Variants in SETD3 observed in about 807,000 individuals in gnomAD.
The protein encoded by SETD3 is actin-histidine N-methyltransferase.
In SETD3, 19 loss-of-function variants were observed where a neutral mutation model predicts 63.0. The ratio of observed to expected loss-of-function variants is 0.30; its 90% CI spans 0.21 to 0.44. SETD3 has a LOEUF of 0.44. Among genes scored for constraint, SETD3 ranks in the 20% least tolerant of loss-of-function variants. The probability of loss-of-function intolerance (pLI) is 1.00; values close to 1 mark genes in which losing one functional copy is unlikely to be tolerated. For missense variants in SETD3, 587 were observed against 728.5 expected, an observed-to-expected ratio of 0.81 and a Z score of 2.24; for synonymous variants, 286 against 264.1, an observed-to-expected ratio of 1.08 and a Z score of -0.80.
chr14:99,473,105 C>T (rs1452797141), intron 1 of SETD3, among the ~76,000 whole-genome samples: 2 of 152,204 alleles, frequency 1.3e-5, no homozygotes, highest in Admixed American at 1.3e-4. Context: ...ACAAGACACA[C>T]TTTAGAAGAC....
chr14:99,404,499 G>A (rs1315886447), intron 10 of SETD3, among the ~76,000 whole-genome samples, 189 bp from the exon 11 acceptor site: 5 of 152,204 alleles, frequency 3.3e-5, no homozygotes, highest in African/African-American at 4.8e-5. Flanking sequence ...AGGCTGGGGC[G>A]GAGGCAAGCG....
chr14:99,422,550 C>T (rs139190964), intron 6 of SETD3, among the ~76,000 whole-genome samples: 398 of 152,228 alleles, frequency 2.6e-3, no homozygotes, highest in Non-Finnish European at 3.9e-3. Flanking sequence ...ATCTGAGAAC[C>T]CTTCTCTGTA....
chr14:99,451,845 T>C (rs1894479889), intron 6 of SETD3, among the ~76,000 whole-genome samples: 1 of 151,928 alleles, frequency 6.6e-6, no homozygotes, highest in African/African-American at 2.4e-5. Flanking sequence ...CTCTCAAAAT[T>C]CCTGCAGCGT....
chr14:99,408,071 C>T (rs369979552), intron 8 of SETD3, among the ~76,000 whole-genome samples: 1 of 152,198 alleles, frequency 6.6e-6, no homozygotes, highest in African/African-American at 2.4e-5. Flanking sequence ...CAAAGATTCA[C>T]AGCAGCTACA....
At chr14:99,439,949 A>G (rs1893705038) in intron 6 of SETD3, among the ~76,000 whole-genome samples, 1 of 151,364 alleles carries the variant, frequency 6.6e-6, no homozygotes, top group African/African-American at 2.4e-5. Flanking sequence ...CACCATGCTC[A>G]GGTAATCTTT....
rs780114503 is a variant in SETD3, at chr14:99,458,284, T to G, written c.670A>C (p.Ile224Leu). Residue 224 changes from isoleucine (I) to leucine (L), a missense_variant, in exon 6 of 13, where the codon ATC becomes CTC. By Grantham distance (5) the Ile-to-Leu change is conservative (BLOSUM62 2). Transcript: ENST00000331768. The stretch of plus-strand genomic sequence containing the variant: ...AATTGCAAACAGCTGCTCACCTGGA[T>G]GACTTTATAGAAGTAGGCGTACTGT... ...ARQYAYFYKV[I>L]QTHPHANKLP... is the part of the protein sequence containing the mutation. 1.2e-6 allele frequency: 2 copies of G among 1,611,072 alleles called. No homozygotes were observed. The highest frequency in any genetic ancestry group is 4.5e-5 in the East Asian group (2 of 44,802).
intron 8 of SETD3, among the ~76,000 whole-genome samples, chr14:99,410,922 G>A (rs1361550386): frequency 2.6e-5 from 4 of 152,176 alleles, no homozygotes; most frequent in Non-Finnish European, 5.9e-5. Context: ...CTGACAATAA[G>A]AAGATGATCG....
intron 6 of SETD3, among the ~76,000 whole-genome samples, chr14:99,436,160 C>T (rs1443463413): frequency 6.6e-6 from 1 of 152,100 alleles, no homozygotes; most frequent in Non-Finnish European, 1.5e-5. Context: ...CCTGCCTCCG[C>T]TTGATCTCTC....
upstream of SETD3, among the ~76,000 whole-genome samples, chr14:99,483,343 G>A (rs1246797439): frequency 2.0e-5 from 3 of 151,984 alleles, no homozygotes; most frequent in South Asian, 4.1e-4. Flanking sequence ...AAGCTCAGGA[G>A]TTCAAGACCA....
intron 7 of SETD3, 144 bp from the exon 8 acceptor site, chr14:99,413,209 A>T (rs1225731574): frequency 1.7e-6 from 1 of 600,294 alleles, no homozygotes; most frequent in Admixed American, 3.0e-5. Flanking sequence ...TTTGGCCTTC[A>T]TCATCATTTA....
In SETD3 at chr14:99,467,528, A is replaced by T. The variant is rs138504566; in HGVS notation, c.-8-1715T>A. Among the ~76,000 whole-genome samples the T allele has an allele frequency of 3.7e-4, 56 of 152,316 alleles. 1 individual carries two copies. Among genetic ancestry groups the T allele is most frequent in the African/African-American group, 1.3e-3 (55 of 41,564 alleles). On this transcript the variant is annotated intron_variant, in intron 1 of 12. Transcript: ENST00000331768. Reference sequence around the variant, plus strand: ...CATCTCTGGAGGACCATCGAACTTGACCTGAAAATAACTAAAACCACCAAG... The same window carrying T: ...CATCTCTGGAGGACCATCGAACTTGTCCTGAAAATAACTAAAACCACCAAG...
chr14:99,454,383 C>A (rs573892472), intron 6 of SETD3, among the ~76,000 whole-genome samples: 46 of 152,170 alleles, frequency 3.0e-4, no homozygotes, highest in African/African-American at 1.0e-3. Context: ...GTTGCCCAGG[C>A]TTGACAGCAA....
rs182568216 is a variant in SETD3, at chr14:99,430,711, A to T, written c.676-16777T>A. On this transcript the variant is annotated intron_variant, in intron 6 of 12. Coordinates refer to ENST00000331768, the MANE Select transcript of SETD3 (RefSeq NM_032233.3). ...AGGGAGAGGAAGCAGGTGATGCATC[A>T]GCGAGTGACTGAACCTGGCACTGCT... Among the ~76,000 whole-genome samples, 5 of 152,320 alleles carry T rather than the reference A, an allele frequency of 3.3e-5. No homozygotes were observed. In the East Asian group the frequency reaches 9.7e-4, roughly 29 times the overall value.
intron 11 of SETD3, among the ~76,000 whole-genome samples, chr14:99,403,792 T>C (rs934370047): frequency 2.0e-5 from 3 of 152,060 alleles, no homozygotes; most frequent in Non-Finnish European, 4.4e-5. Context: ...GAATGCAGAG[T>C]AGGTTAACAA....
upstream of SETD3, among the ~76,000 whole-genome samples, chr14:99,483,818 A>T (rs10144747): frequency 2.0e-5 from 3 of 152,200 alleles, no homozygotes; most frequent in African/African-American, 7.2e-5. Flanking sequence ...GAGATATGCT[A>T]CAGGACTCTG....
chr14:99,474,924 C>G (rs1364942944), intron 1 of SETD3, among the ~76,000 whole-genome samples: 1 of 151,292 alleles, frequency 6.6e-6, no homozygotes, highest in Non-Finnish European at 1.5e-5. Context: ...TTAGAAATAA[C>G]TAAACATTTC....
At chr14:99,448,608 G>C (rs1894272756) in intron 6 of SETD3, among the ~76,000 whole-genome samples, 1 of 152,004 alleles carries the variant, frequency 6.6e-6, no homozygotes, top group Non-Finnish European at 1.5e-5. Context: ...TAGATTCACG[G>C]CTCATCAACC....
chr14:99,462,946 T>C (rs1159613460), intron 3 of SETD3, among the ~76,000 whole-genome samples: 1 of 152,192 alleles, frequency 6.6e-6, no homozygotes, highest in Non-Finnish European at 1.5e-5. Context: ...ACAAAAACAA[T>C]AGGTATAGTG....
At chr14:99,461,689 C>T (rs1363261689) in intron 3 of SETD3, among the ~76,000 whole-genome samples, 2 of 152,226 alleles carry the variant, frequency 1.3e-5, no homozygotes, top group East Asian at 1.9e-4. Flanking sequence ...AAAAGTCAAA[C>T]ATGCCACCTC....
Sources: gnomAD v4.1 joint callset for allele counts (sites outside exome capture counted in the v4.1 genomes callset) on GRCh38, gnomAD v4.1.1 for gene constraint, MANE v1.5 for transcripts, NCBI Gene and HGNC (gene_info 2026-07-23, HGNC 2026-07-21) for gene names.